Variants in POLR3B observed in about 807,000 individuals in gnomAD.
POLR3B encodes RNA polymerase III subunit B, also known as DNA-directed RNA polymerase III subunit RPC2.
Under a neutral mutation model 147.4 loss-of-function variants are expected in POLR3B, and 96 were observed. The ratio of observed to expected loss-of-function variants is 0.65; its 90% confidence interval spans 0.55 to 0.77. POLR3B has a LOEUF of 0.77. POLR3B is among the 30% of genes least tolerant of loss of function. The pLI, the probability that POLR3B is intolerant of heterozygous loss-of-function variation, is 0.00. For missense variants in POLR3B, 1,036 were observed against 1,413.5 expected, an observed-to-expected ratio of 0.73 and a Z score of 4.28; for synonymous variants, 461 against 485.9, an observed-to-expected ratio of 0.95 and a Z score of 0.67.
intron 10 of POLR3B, among the ~76,000 whole-genome samples, chr12:106,405,446 C>T (rs2037137099): frequency 4.0e-5 from 6 of 151,514 alleles, no homozygotes; most frequent in Admixed American, 4.0e-4. Flanking sequence ...AGGGGTCTTA[C>T]ATGGTATGAT....
intron 19 of POLR3B, among the ~76,000 whole-genome samples, chr12:106,448,720 G>A (rs1031248157): frequency 6.6e-6 from 1 of 151,818 alleles, no homozygotes; most frequent in East Asian, 1.9e-4. Context: ...GATTACAGGT[G>A]TGAGCCACTG....
intron 22 of POLR3B, among the ~76,000 whole-genome samples, chr12:106,463,169 T>C (rs1199816162): frequency 6.6e-6 from 1 of 152,216 alleles, no homozygotes; most frequent in African/African-American, 2.4e-5. Flanking sequence ...GTGTGAGTCA[T>C]GTGCCCTTGG....
intron 23 of POLR3B, among the ~76,000 whole-genome samples, chr12:106,494,899 T>G (rs1167264350): frequency 1.3e-5 from 2 of 152,220 alleles, no homozygotes; most frequent in African/African-American, 4.8e-5. Context: ...CAGTATTACC[T>G]AGGAAAATGG....
chr12:106,457,120 A>G lies in POLR3B; in HGVS notation c.2294-18A>G. On this transcript the variant is annotated intron_variant, in intron 20 of 27. Transcript: ENST00000228347. ...TGGGTTACTGGTGGTTCTAATGCCC[A>G]TCTTGGTTTCATTTTAGGCTTTGGG... 4 of 1,610,048 alleles carry G rather than the reference A, an allele frequency of 2.5e-6. No homozygotes were observed. Among genetic ancestry groups the G allele is most frequent in the Admixed American group, 1.7e-5 (1 of 59,936 alleles).
chr12:106,431,135 C>T (rs1263594855), intron 14 of POLR3B, among the ~76,000 whole-genome samples: 1 of 152,062 alleles, frequency 6.6e-6, no homozygotes, highest in Admixed American at 6.6e-5. Context: ...AGTACAGGCC[C>T]CATGAATATA....
chr12:106,479,241 G>A (rs1288127440), intron 23 of POLR3B, among the ~76,000 whole-genome samples: 2 of 151,980 alleles, frequency 1.3e-5, no homozygotes, highest in Admixed American at 1.3e-4. Flanking sequence ...CTTCCAGATT[G>A]ATGCTCTAGT....
chr12:106,428,373 A>G (rs888518768), intron 13 of POLR3B, among the ~76,000 whole-genome samples: 1 of 152,332 alleles, frequency 6.6e-6, no homozygotes, highest in African/African-American at 2.4e-5. Context: ...AATCAGTAGC[A>G]GGCCTAGTTA....
intron 19 of POLR3B, among the ~76,000 whole-genome samples, chr12:106,451,630 A>AGGGGG (rs1177832853): frequency 1.9e-5 from 1 of 53,910 alleles, no homozygotes; most frequent in African/African-American, 1.1e-4. Context: ...ATTTAAAAAA[A>AGGGGG]GGCGGGGGGG....
intron 12 of POLR3B, among the ~76,000 whole-genome samples, chr12:106,417,761 G>C (rs948541733): frequency 2.6e-5 from 4 of 151,982 alleles, no homozygotes; most frequent in African/African-American, 9.7e-5. Flanking sequence ...GGAATTATGG[G>C]TATCCTCACC....
At chr12:106,466,537 C>G (rs1468842318) in intron 23 of POLR3B, among the ~76,000 whole-genome samples, 1 of 152,070 alleles carries the variant, frequency 6.6e-6, no homozygotes, top group Non-Finnish European at 1.5e-5. Context: ...ATGTCTATGT[C>G]CTGAATGGTA....
intron 6 of POLR3B, among the ~76,000 whole-genome samples, chr12:106,372,487 G>A (rs569468472): frequency 5.9e-5 from 9 of 151,600 alleles, no homozygotes; most frequent in Non-Finnish European, 8.8e-5. Context: ...ACAGGTGCCC[G>A]CCACCACGCC....
At chr12:106,383,646 G>A (rs931637836) in intron 9 of POLR3B, among the ~76,000 whole-genome samples, 1 of 151,996 alleles carries the variant, frequency 6.6e-6, no homozygotes, top group East Asian at 1.9e-4. Context: ...TTACGAGCAC[G>A]GTTTGTGGCA....
chr12:106,459,105 C>A, intron 21 of POLR3B, 146 bp from the exon 22 acceptor site: 1 of 658,718 alleles, frequency 1.5e-6, no homozygotes, highest in South Asian at 1.6e-5. Flanking sequence ...TAGCTCACTG[C>A]AGCCTCAACC....
At chr12:106,497,318 A>G (rs998217511) in intron 25 of POLR3B, among the ~76,000 whole-genome samples, 1 of 151,892 alleles carries the variant, frequency 6.6e-6, no homozygotes, top group Admixed American at 6.6e-5. Context: ...TGGATACAAG[A>G]AAATCTAACT....
intron 13 of POLR3B, 27 bp from the exon 14 acceptor site, chr12:106,430,246 A>G (rs776344864): frequency 1.9e-6 from 3 of 1,571,184 alleles, no homozygotes; most frequent in Admixed American, 3.3e-5. Context: ...GGTTAGGAAT[A>G]GTCTTATGTC....
intron 10 of POLR3B, among the ~76,000 whole-genome samples, chr12:106,403,050 A>C (rs1188851061): frequency 6.6e-6 from 1 of 151,674 alleles, no homozygotes; most frequent in Non-Finnish European, 1.5e-5. Flanking sequence ...AAATTTTTGC[A>C]ACCTACTCAT....
rs11112962 is a variant in POLR3B at position 106,386,806 on chromosome 12, C to A, written c.724-6225C>A. 2.0e-3 allele frequency among the ~76,000 whole-genome samples: 311 copies of A among 152,120 alleles called. 1 individual carries two copies. Among genetic ancestry groups the A allele is most frequent in the Non-Finnish European group, 3.3e-3 (224 of 68,006 alleles). ...CCTGTAGTCCCAGCTACTCAGGAGG[C>A]TGAGGCAGGAGAATGGCGTGAACCT... On this transcript the variant is annotated intron_variant, in intron 9 of 27. Coordinates refer to ENST00000228347, the MANE Select transcript of POLR3B (RefSeq NM_018082.6).
At chr12:106,381,942 G>A (rs924767586) in intron 9 of POLR3B, 2 of 152,184 alleles carry the variant, frequency 1.3e-5, no homozygotes, top group African/African-American at 4.8e-5. Context: ...ACCATATAGG[G>A]TAACTTCCTG....
intron 23 of POLR3B, among the ~76,000 whole-genome samples, chr12:106,470,200 T>C (rs1407764620): frequency 6.6e-6 from 1 of 152,156 alleles, no homozygotes; most frequent in Non-Finnish European, 1.5e-5. Context: ...TTCATTACTT[T>C]GATCTTCAAT....
Sources: gnomAD v4.1 joint callset for allele counts (sites outside exome capture counted in the v4.1 genomes callset) on GRCh38, gnomAD v4.1.1 for gene constraint, MANE v1.5 for transcripts, NCBI Gene and HGNC (gene_info 2026-07-23, HGNC 2026-07-21) for gene names.